The following SPRY3 variants were observed in gnomAD, a reference collection of about 807,000 sequenced individuals.
The protein encoded by SPRY3 is sprouty RTK signaling antagonist 3.
Under a neutral mutation model 20.2 loss-of-function variants are expected in SPRY3, and 15 were observed. That is an observed-to-expected ratio of 0.74 (90% CI 0.50 to 1.14). The LOEUF is 1.14. Ranked by LOEUF, SPRY3 falls within the 50% of genes most tolerant of loss-of-function variation. The pLI, the probability that SPRY3 is intolerant of heterozygous loss-of-function variation, is 0.00. For synonymous variants in SPRY3, 143 were observed against 136.5 expected (o/e 1.05, Z -0.33); for missense variants, 364 against 363.9 (o/e 1.00, Z 0.00).
intron 2 of SPRY3, among the ~76,000 whole-genome samples, chrX:155,668,219 T>C (rs1603128237): frequency 9.0e-6 from 1 of 111,233 alleles, no homozygotes; most frequent in East Asian, 2.8e-4. Context: ...TCATCAGTAG[T>C]AGAATGAATA....
chrX:155,727,984 G>T (rs2091109735), intron 2 of SPRY3, among the ~76,000 whole-genome samples: 1 of 152,092 alleles, frequency 6.6e-6, no homozygotes, highest in Admixed American at 6.5e-5. Flanking sequence ...TTTTGGTGTG[G>T]ATGTCCTTTT....
At chrX:155,764,423 G>A (rs2091316492) in intron 2 of SPRY3, among the ~76,000 whole-genome samples, 1 of 152,136 alleles carries the variant, frequency 6.6e-6, no homozygotes, top group Non-Finnish European at 1.5e-5. Flanking sequence ...GTATATAATT[G>A]TACTATAGTG....
rs1488700122 is a variant in SPRY3, at chrX:155,716,982, ATATATAT to A, written c.-281-50979_-281-50973del. 6.8e-4 allele frequency among the ~76,000 whole-genome samples: 61 copies of A among 89,184 alleles called. 1 individual carries two copies. The highest frequency in any genetic ancestry group is 6.5e-3 in the South Asian group (13 of 2,000). 58.5% of individuals were successfully genotyped at this position (89,184 alleles called of 152,430 possible). On this transcript the variant is annotated intron_variant, in intron 2 of 3. Transcript: ENST00000675360. Reference sequence around the variant, plus strand: ...AACCCTGTTTCCACTAAAATACAAAATATATATATATATATATATATATATATATAGC... The same window carrying A: ...AACCCTGTTTCCACTAAAATACAAAAATATATATATATATATATATATAGC...
rs1206891749 is a variant in SPRY3, at chrX:155,716,981, A to AAATATATATATATATATATATAT, written c.-281-50980_-281-50979insATATATATATATATATATATATA. Among the ~76,000 whole-genome samples, 5 of 63,482 alleles carry AAATATATATATATATATATATAT rather than the reference A, an allele frequency of 7.9e-5. No homozygotes were observed. In the South Asian group the frequency reaches 2.6e-3, roughly 33 times the overall value. 41.6% of individuals were successfully genotyped at this position (63,482 alleles called of 152,430 possible). Reference sequence around the variant, plus strand: ...AAACCCTGTTTCCACTAAAATACAAAATATATATATATATATATATATATA... The same window carrying AAATATATATATATATATATATAT: ...AAACCCTGTTTCCACTAAAATACAAAAATATATATATATATATATATATATATATATATATATATATATATATA... On this transcript the variant is annotated intron_variant, in intron 2 of 3. Coordinates refer to ENST00000675360, the Ensembl canonical transcript of SPRY3.
At chrX:155,761,998 C>CCTGT (rs1231562571) in intron 2 of SPRY3, among the ~76,000 whole-genome samples, 1 of 152,124 alleles carries the variant, frequency 6.6e-6, no homozygotes, top group African/African-American at 2.4e-5. Flanking sequence ...AAGTTCCTCT[C>CCTGT]CTGTCTTGTC....
intron 1 of SPRY3, among the ~76,000 whole-genome samples, chrX:155,655,264 G>T (rs782186255): frequency 9.0e-6 from 1 of 111,235 alleles, no homozygotes; most frequent in South Asian, 3.8e-4. Flanking sequence ...CTGGATATTA[G>T]CCTTTTGTTA....
chrX:155,736,514 T>C (rs2091170717), intron 2 of SPRY3, among the ~76,000 whole-genome samples: 1 of 152,016 alleles, frequency 6.6e-6, no homozygotes, highest in African/African-American at 2.4e-5. Flanking sequence ...TTCGTTCCAC[T>C]TTCTTCTTGC....
intron 2 of SPRY3, among the ~76,000 whole-genome samples, chrX:155,705,167 T>A (rs1333350511): frequency 6.6e-6 from 1 of 151,454 alleles, no homozygotes; most frequent in African/African-American, 2.4e-5. Context: ...AGAAAAAATA[T>A]AATAATTTAT....
chrX:155,644,006 C>T (rs1226736477), intron 1 of SPRY3, among the ~76,000 whole-genome samples: 1 of 111,222 alleles, frequency 9.0e-6, no homozygotes. Context: ...TGTTCACTAA[C>T]GTCCTTTTCT....
intron 1 of SPRY3, among the ~76,000 whole-genome samples, chrX:155,633,792 A>G (rs782001163): frequency 8.9e-6 from 1 of 112,154 alleles, no homozygotes; most frequent in African/African-American, 3.2e-5. Context: ...CAGTGGCAGA[A>G]TCTTCACATT....
At position 155,749,670 on chromosome X, in the gene SPRY3, A is replaced by G. The variant is rs755223733; in HGVS notation, c.-281-18292A>G. 1.6e-4 allele frequency among the ~76,000 whole-genome samples: 25 copies of G among 151,886 alleles called. No homozygotes were observed. The South Asian group carries it at 5.2e-3, about 32-fold the overall frequency. On this transcript the variant is annotated intron_variant, in intron 2 of 3. Coordinates refer to ENST00000675360, the Ensembl canonical transcript of SPRY3. ...AGGTGAGGGCAATAAGAATAGGCCA[A>G]ATTATATAGGACCTTGTAGACTATT...
chrX:155,722,956 C>T (rs111718961), intron 2 of SPRY3, among the ~76,000 whole-genome samples: 11 of 150,810 alleles, frequency 7.3e-5, no homozygotes, highest in South Asian at 6.5e-4. Flanking sequence ...TGACAGGCCC[C>T]GGTGTGTGAT....
In SPRY3 at chrX:155,708,904, A is replaced by T. The variant is rs746881536; in HGVS notation, c.-282+51879A>T. On this transcript the variant is annotated intron_variant, in intron 2 of 3. Coordinates refer to ENST00000675360, the Ensembl canonical transcript of SPRY3. ...CCACCTTTTCCCTATTAACGACTAC[A>T]ATTTGAGGCTCTGGTATCCATTCTT... is the stretch of plus-strand genomic sequence containing the variant. Among the ~76,000 whole-genome samples the T allele has an allele frequency of 2.6e-5, 4 of 151,406 alleles. No homozygotes were observed. The East Asian group carries it at 7.7e-4, about 29-fold the overall frequency.
chrX:155,705,114 T>C (rs887895734), intron 2 of SPRY3, among the ~76,000 whole-genome samples: 5 of 151,510 alleles, frequency 3.3e-5, no homozygotes, highest in African/African-American at 1.2e-4. Context: ...AGTTAAATTA[T>C]TTTTCTTATT....
At chrX:155,672,079 A>G (rs372117176) in intron 2 of SPRY3, among the ~76,000 whole-genome samples, 1 of 111,458 alleles carries the variant, frequency 9.0e-6, no homozygotes, top group African/African-American at 3.3e-5. Flanking sequence ...GTCAGGTAGC[A>G]TGATGCCTCC....
Position 155,732,575 on chromosome X carries a change from A to G in SPRY3, c.-281-35387A>G, listed in dbSNP as rs1441586060. On this transcript the variant is annotated intron_variant, in intron 2 of 3. Coordinates refer to ENST00000675360, the Ensembl canonical transcript of SPRY3. ...GGGAATATAAATTAATACAACCACT[A>G]TGGAAATCAGTTTGAGGTTCCTCAA... Among the ~76,000 whole-genome samples the G allele has an allele frequency of 3.9e-5, 6 of 152,214 alleles. No individual in the cohort carries two copies. In the South Asian group the frequency reaches 1.0e-3, roughly 26 times the overall value.
intron 2 of SPRY3, among the ~76,000 whole-genome samples, chrX:155,749,281 C>G (rs2091246526): frequency 1.3e-5 from 2 of 151,782 alleles, no homozygotes; most frequent in Admixed American, 1.3e-4. Flanking sequence ...TAGACATTCC[C>G]TGTCCTTAAA....
intron 2 of SPRY3, among the ~76,000 whole-genome samples, chrX:155,720,489 G>T (rs1458446390): frequency 1.3e-5 from 2 of 152,116 alleles, no homozygotes; most frequent in Non-Finnish European, 2.9e-5. Flanking sequence ...GCAGGCCTTG[G>T]TCAAGACCCC....
chrX:155,715,225 C>T (rs2091014018), intron 2 of SPRY3, among the ~76,000 whole-genome samples: 1 of 151,650 alleles, frequency 6.6e-6, no homozygotes, highest in African/African-American at 2.4e-5. Flanking sequence ...GCCCAAGGTC[C>T]ATGGCATACT....
Sources: allele counts gnomAD v4.1 joint callset (sites outside exome capture counted in the v4.1 genomes callset), GRCh38; gene constraint gnomAD v4.1.1; transcripts MANE v1.5; gene names NCBI Gene and HGNC (gene_info 2026-07-23, HGNC 2026-07-21).